DNAH11: variants seen among roughly 807,000 people sequenced by gnomAD.
DNAH11 encodes axonemal beta dynein heavy chain 11.
A neutral mutation model predicts 526.0 loss-of-function variants in DNAH11; 442 were observed. The observed-to-expected ratio is 0.84, with a 90% CI of 0.78 to 0.91. The LOEUF (loss-of-function observed/expected upper bound fraction) is 0.91. DNAH11 is among the 40% of genes least tolerant of loss of function. The pLI, the probability that DNAH11 is intolerant of heterozygous loss-of-function variation, is 0.00. For synonymous variants in DNAH11, 2,461 were observed against 1,935.9 expected (o/e 1.27, Z -7.12); for missense variants, 6,989 against 5,448.7 (o/e 1.28, Z -8.90).
chr7:21,620,004 G>A lies in DNAH11; in HGVS notation c.4426G>A (p.Glu1476Lys), dbSNP rs1188885955. 11 of 1,608,812 alleles carry A rather than the reference G, an allele frequency of 6.8e-6. No homozygotes were observed. Among genetic ancestry groups the A allele is most frequent in the South Asian group, 3.4e-5 (3 of 89,172 alleles). Reference sequence around the variant, plus strand: ...CTGGGCAACCATGAAGTTTTCTTACGAAGTTCACTATCGAACAGGCATTCC... The same window carrying A: ...CTGGGCAACCATGAAGTTTTCTTACAAAGTTCACTATCGAACAGGCATTCC... ...QTWATMKFSYEVHYRTGIPLL... is the reference protein window; with the variant it reads ...QTWATMKFSYKVHYRTGIPLL... Residue 1476 changes from glutamate to lysine, a missense_variant, in exon 25 of 82, where the codon GAA becomes AAA. Physicochemically the swap from Glu to Lys is moderately conservative, Grantham distance 56. Transcript: ENST00000409508.
intron 30 of DNAH11, among the ~76,000 whole-genome samples, chr7:21,673,721 A>G (rs1474702858): frequency 6.6e-6 from 1 of 152,112 alleles, no homozygotes; most frequent in Non-Finnish European, 1.5e-5. Context: ...TTGTCCACTC[A>G]TGCCACATCT....
Position 21,616,722 on chromosome 7 carries a change from A to G in DNAH11, c.4095+430A>G, listed in dbSNP as rs563080191. Among the ~76,000 whole-genome samples the G allele has an allele frequency of 5.3e-5, 8 of 152,270 alleles. No individual in the cohort carries two copies. In the South Asian group the frequency reaches 8.3e-4, roughly 16 times the overall value. The stretch of plus-strand genomic sequence containing the variant: ...CTCTGGATTTATGCGGAATACTATG[A>G]TCTTTGTTCTTATTAATGACTCTGG... On this transcript the variant is annotated intron_variant, in intron 22 of 81. Transcript: ENST00000409508.
chr7:21,589,152 A>T, intron 11 of DNAH11, 56 bp from the exon 12 acceptor site: 1 of 1,326,416 alleles, frequency 7.5e-7, no homozygotes, highest in Non-Finnish European at 1.0e-6. Flanking sequence ...TACAATTATT[A>T]AGCGGAAATC....
At chr7:21,769,622 C>A (rs991410983) in intron 55 of DNAH11, among the ~76,000 whole-genome samples, 1 of 151,874 alleles carries the variant, frequency 6.6e-6, no homozygotes, top group African/African-American at 2.4e-5. Flanking sequence ...GTAGCTGGGA[C>A]CACAGGTGCA....
At chr7:21,831,775 T>C (rs765593411) in intron 65 of DNAH11, among the ~76,000 whole-genome samples, 21 of 152,162 alleles carry the variant, frequency 1.4e-4, no homozygotes, top group African/African-American at 2.9e-4. Context: ...CTCAGATACT[T>C]GATTAAACAT....
rs370930478 is a variant in DNAH11, at chr7:21,591,259, T to A, written c.2349T>A (p.Pro783=). 55 of 1,605,446 alleles carry A rather than the reference T, an allele frequency of 3.4e-5. No individual in the cohort carries two copies. The African/African-American group carries it at 7.1e-4, about 21-fold the overall frequency. Residue 783 remains proline, a synonymous_variant, in exon 14 of 82, where the codon CCT becomes CCA. Transcript: ENST00000409508. ...AGACGCTCCTGGAAGTTGAATACCC[T>A]CTGATTGAAGATGAGCTGAGGGCTA... ...LKQTLLEVEY[P]LIEDELRAID... is the part of the protein sequence containing the mutation.
intron 46 of DNAH11, among the ~76,000 whole-genome samples, chr7:21,738,136 A>G (rs1785697810): frequency 6.6e-6 from 1 of 152,110 alleles, no homozygotes; most frequent in African/African-American, 2.4e-5. Context: ...TTCACCCAGG[A>G]CTTTAAAAAA....
chr7:21,773,043 A>G (rs1291295478), intron 55 of DNAH11, among the ~76,000 whole-genome samples: 1 of 152,154 alleles, frequency 6.6e-6, no homozygotes, highest in East Asian at 1.9e-4. Flanking sequence ...TGATTAACTG[A>G]ACCTGGTTCA....
At chr7:21,765,680 A>G in intron 55 of DNAH11, 91 bp downstream of exon 55, 1 of 1,416,804 alleles carries the variant, frequency 7.1e-7, no homozygotes, top group Non-Finnish European at 9.3e-7. Flanking sequence ...CTCAGTAGGT[A>G]AGTGCTTTCC....
chr7:21,822,818 C>T (rs1174024642), intron 65 of DNAH11, among the ~76,000 whole-genome samples: 1 of 151,942 alleles, frequency 6.6e-6, no homozygotes, highest in Non-Finnish European at 1.5e-5. Context: ...TGAGACGGTA[C>T]CTCATTGTGG....
chr7:21,779,367 C>A (rs370430427), intron 57 of DNAH11, among the ~76,000 whole-genome samples: 1 of 152,272 alleles, frequency 6.6e-6, no homozygotes, highest in Non-Finnish European at 1.5e-5. Flanking sequence ...GGATGTGGAT[C>A]TTGAACATCA....
chr7:21,762,032 G>A (rs187648736), intron 54 of DNAH11, among the ~76,000 whole-genome samples: 6 of 152,264 alleles, frequency 3.9e-5, no homozygotes, highest in Admixed American at 3.9e-4. Context: ...TGAAGTGCAT[G>A]CAGGGGAAAT....
At chr7:21,647,014 T>C (rs1040710184) in intron 28 of DNAH11, among the ~76,000 whole-genome samples, 2 of 152,168 alleles carry the variant, frequency 1.3e-5, no homozygotes, top group Non-Finnish European at 2.9e-5. Context: ...CTGACACAGA[T>C]GATAGACTTA....
rs548399977 is a variant in DNAH11 at position 21,744,302 on chromosome 7, G to A, written c.8155-136G>A. 1,087 of 996,934 alleles carry A rather than the reference G, an allele frequency of 1.1e-3. 10 individuals carry two copies. Among genetic ancestry groups the A allele is most frequent in the Middle Eastern group, 1.4e-3 (5 of 3,474 alleles). The allele number at this position is 996,934 out of a possible 1,614,324, so 61.8% of individuals were successfully genotyped here. On this transcript the variant is annotated intron_variant, in intron 49 of 81. Coordinates refer to ENST00000409508, the MANE Select transcript of DNAH11 (RefSeq NM_001277115.2). Reference sequence around the variant, plus strand: ...AAAGAGTAAACCTACTTTTATACACGAACACGCACATTACTATTGATGATA... The same window carrying A: ...AAAGAGTAAACCTACTTTTATACACAAACACGCACATTACTATTGATGATA...
intron 56 of DNAH11, among the ~76,000 whole-genome samples, chr7:21,774,245 T>A (rs1012034593): frequency 1.3e-5 from 2 of 152,110 alleles, no homozygotes; most frequent in African/African-American, 4.8e-5. Flanking sequence ...TGTGGGATAT[T>A]GAAGGGAGCA....
At chr7:21,741,179 G>A (rs980657602) in intron 48 of DNAH11, among the ~76,000 whole-genome samples, 1 of 152,160 alleles carries the variant, frequency 6.6e-6, no homozygotes, top group Non-Finnish European at 1.5e-5. Context: ...AATTTCATAT[G>A]ATGAGAATCA....
intron 57 of DNAH11, among the ~76,000 whole-genome samples, chr7:21,783,017 T>G (rs1265850503): frequency 6.6e-6 from 1 of 150,594 alleles, no homozygotes; most frequent in Non-Finnish European, 1.5e-5. Context: ...ATGATTTTTT[T>G]AATGATGCCA....
At position 21,699,727 on chromosome 7, in the gene DNAH11, T is replaced by C. The variant is rs529046201; in HGVS notation, c.6180+1514T>C. The stretch of plus-strand genomic sequence containing the variant: ...TAATGAGCCTATTTTAATTTTATCA[T>C]GGTAACAAGTCAGAAGAAAAAAATG... On this transcript the variant is annotated intron_variant, in intron 36 of 81. Coordinates refer to ENST00000409508, the MANE Select transcript of DNAH11 (RefSeq NM_001277115.2). Among the ~76,000 whole-genome samples, 7 of 149,976 alleles carry C rather than the reference T, an allele frequency of 4.7e-5. No homozygotes were observed. The South Asian group carries it at 1.5e-3, about 32-fold the overall frequency.
chr7:21,678,173 T>G (rs1236961731), intron 30 of DNAH11, among the ~76,000 whole-genome samples: 1 of 137,148 alleles, frequency 7.3e-6, no homozygotes. Context: ...CTTTTCCCAC[T>G]TTTTTTTTTT....
Sources: gnomAD v4.1 joint callset for allele counts (sites outside exome capture counted in the v4.1 genomes callset) on GRCh38, gnomAD v4.1.1 for gene constraint, MANE v1.5 for transcripts, NCBI Gene and HGNC (gene_info 2026-07-23, HGNC 2026-07-21) for gene names.